AGAP1: variants seen among roughly 807,000 people sequenced by gnomAD.
The protein encoded by AGAP1 is arf-GAP with GTPase, ANK repeat and PH domain-containing protein 1.
AGAP1 carries 29 observed loss-of-function variants against 105.3 expected under a neutral mutation model. That is an observed-to-expected ratio of 0.28 (90% CI 0.21 to 0.38). AGAP1 has a LOEUF of 0.38. AGAP1 is among the 10% of genes least tolerant of loss of function. The pLI is 1.00. For synonymous variants in AGAP1, 509 were observed against 485.9 expected, an observed-to-expected ratio of 1.05 and a Z score of -0.63; for missense variants, 998 against 1,165.1, an observed-to-expected ratio of 0.86 and a Z score of 2.09.
rs1953069369 is a variant in AGAP1, at chr2:235,747,643, T to C, written c.539-2711T>C. 6.6e-6 allele frequency among the ~76,000 whole-genome samples: 1 copy of C among 152,222 alleles called. No homozygotes were observed. Among genetic ancestry groups the C allele is most frequent in the African/African-American group, 2.4e-5 (1 of 41,460 alleles). Reference sequence around the variant, plus strand: ...TCAGGGAGCACCCCAGAAAGCCTGATGGCAGGAAGCTGGCATGCACGTGGG... The same window carrying C: ...TCAGGGAGCACCCCAGAAAGCCTGACGGCAGGAAGCTGGCATGCACGTGGG... On this transcript the variant is annotated intron_variant, in intron 5 of 17. Coordinates refer to ENST00000304032, the MANE Select transcript of AGAP1 (RefSeq NM_001037131.3). This position sits in a 1 kb window ranked among gnomAD's most constrained non-coding sequence, Gnocchi z 5.0.
intron 1 of AGAP1, among the ~76,000 whole-genome samples, chr2:235,603,217 C>T (rs972660607): frequency 4.6e-5 from 7 of 151,774 alleles, no homozygotes; most frequent in Non-Finnish European, 7.4e-5. Context: ...GCTCGGCTCT[C>T]GTCTCTCTCT....
rs1318878294 is a variant in AGAP1, at chr2:235,578,041, G to GC, written c.163+83193dup. 2.0e-5 allele frequency among the ~76,000 whole-genome samples: 3 copies of GC among 152,260 alleles called. No homozygotes were observed. In the East Asian group the frequency reaches 5.8e-4, roughly 30 times the overall value. Reference sequence around the variant, plus strand: ...CCATCAGGACTTCCCCTCGTGAGGAGCTGGGTACCACTGTTATCCTGCCTG... The same window carrying GC: ...CCATCAGGACTTCCCCTCGTGAGGAGCCTGGGTACCACTGTTATCCTGCCTG... On this transcript the variant is annotated intron_variant, in intron 1 of 17. Transcript: ENST00000304032. The surrounding 1 kb of genome is among the most constrained non-coding windows in gnomAD (Gnocchi z 4.9).
At chr2:236,049,416 A>T in intron 16 of AGAP1, 135 bp downstream of exon 16, 1 of 757,418 alleles carries the variant, frequency 1.3e-6, no homozygotes, top group Non-Finnish European at 2.1e-6. Context: ...TTCATCCGGC[A>T]TAGGAATGTC....
chr2:236,021,102 G>A (rs2056867833), intron 13 of AGAP1, among the ~76,000 whole-genome samples: 1 of 149,778 alleles, frequency 6.7e-6, no homozygotes, highest in African/African-American at 2.5e-5. Context: ...GGAGGCAGAG[G>A]TTGCAGTGAG....
At chr2:235,808,654 G>A (rs182177831) in intron 9 of AGAP1, among the ~76,000 whole-genome samples, 37 of 152,298 alleles carry the variant, frequency 2.4e-4, no homozygotes, top group African/African-American at 6.7e-4. Flanking sequence ...CACAGGGCAC[G>A]CCTTTGCCAG....
At chr2:235,506,796 C>T (rs1007625450) in intron 1 of AGAP1, among the ~76,000 whole-genome samples, 8 of 152,206 alleles carry the variant, frequency 5.3e-5, no homozygotes, top group Middle Eastern at 3.4e-3. Context: ...CCTGTGCTGA[C>T]GGTTTGCAAA....
At chr2:235,709,338 A>C in intron 2 of AGAP1, 101 bp downstream of exon 2, 1 of 1,348,450 alleles carries the variant, frequency 7.4e-7, no homozygotes. Context: ...TGGGGCCCAG[A>C]GTGGAAGTGT....
intron 16 of AGAP1, among the ~76,000 whole-genome samples, chr2:236,111,786 T>A: frequency 9.9e-6 from 1 of 101,132 alleles, no homozygotes. Flanking sequence ...TGCGACTCTA[T>A]CTCAAAAAAA....
At chr2:235,849,770 C>T (rs576835513) in intron 9 of AGAP1, among the ~76,000 whole-genome samples, 1 of 152,312 alleles carries the variant, frequency 6.6e-6, no homozygotes, top group African/African-American at 2.4e-5. Context: ...GGACAGATGG[C>T]CTTTCCCTGC....
rs192853262 is a variant in AGAP1, at chr2:235,569,532, C to T, written c.163+74683C>T. 6.6e-6 allele frequency among the ~76,000 whole-genome samples: 1 copy of T among 152,306 alleles called. No homozygotes were observed. Among genetic ancestry groups the T allele is most frequent in the East Asian group, 1.9e-4 (1 of 5,176 alleles). ...GGAAAGCAAACCTGGCCTCTTGTAC[C>T]TCTGAGCCCCGAATTCTGCCCTCTG... On this transcript the variant is annotated intron_variant, in intron 1 of 17. Coordinates refer to ENST00000304032, the MANE Select transcript of AGAP1 (RefSeq NM_001037131.3). This position sits in a 1 kb window ranked among gnomAD's most constrained non-coding sequence, Gnocchi z 5.9.
rs1373937719 is a variant in AGAP1, at chr2:236,051,782, G to C, written c.2114+2501G>C. Among the ~76,000 whole-genome samples the C allele has an allele frequency of 6.6e-6, 1 of 152,194 alleles. No homozygotes were observed. Among genetic ancestry groups the C allele is most frequent in the Non-Finnish European group, 1.5e-5 (1 of 68,030 alleles). On this transcript the variant is annotated intron_variant, in intron 16 of 17. Transcript: ENST00000304032. The surrounding 1 kb of genome is among the most constrained non-coding windows in gnomAD (Gnocchi z 5.9). ...TTCCCAAGAGGACTAAAGGCAGCCA[G>C]CAAGGTCTGTGTCCCTTCCCGCTGG...
chr2:235,916,114 T>G (rs1250450114), intron 11 of AGAP1, among the ~76,000 whole-genome samples: 1 of 152,188 alleles, frequency 6.6e-6, no homozygotes. Flanking sequence ...TACAGGGTTA[T>G]ACAACATCTC....
In AGAP1 at chr2:235,994,903, A is replaced by G. The variant is rs1437676868; in HGVS notation, c.1645+26280A>G. Among the ~76,000 whole-genome samples, 1 of 151,258 alleles carries G rather than the reference A, an allele frequency of 6.6e-6. No homozygotes were observed. The highest frequency in any genetic ancestry group is 2.4e-5 in the African/African-American group (1 of 41,200). Reference sequence around the variant, plus strand: ...AAAATAGTGAAACCCCATCTGTACTAAAAATACAAAAACATTAGCCAAGCG... The same window carrying G: ...AAAATAGTGAAACCCCATCTGTACTGAAAATACAAAAACATTAGCCAAGCG... On this transcript the variant is annotated intron_variant, in intron 13 of 17. Coordinates refer to ENST00000304032, the MANE Select transcript of AGAP1 (RefSeq NM_001037131.3). The surrounding 1 kb of genome is among the most constrained non-coding windows in gnomAD (Gnocchi z 4.4).
In AGAP1 at chr2:235,959,852, G is replaced by T. The variant is rs1044392429; in HGVS notation, c.1484-8610G>T. 6.8e-6 allele frequency among the ~76,000 whole-genome samples: 1 copy of T among 146,576 alleles called. No individual in the cohort carries two copies. On this transcript the variant is annotated intron_variant, in intron 12 of 17. Coordinates refer to ENST00000304032, the MANE Select transcript of AGAP1 (RefSeq NM_001037131.3). The surrounding 1 kb of genome is among the most constrained non-coding windows in gnomAD (Gnocchi z 7.3). ...GCTCCTGCCAAACCTGCTCCCACCC[G>T]CCCCAGCCCAGAGCATGTGGCTTCT...
In AGAP1 at chr2:235,621,430, G is replaced by A. The variant is rs956098625; in HGVS notation, c.164-87749G>A. Among the ~76,000 whole-genome samples, 11 of 152,208 alleles carry A rather than the reference G, an allele frequency of 7.2e-5. No individual in the cohort carries two copies. The highest frequency in any genetic ancestry group is 1.6e-4 in the Non-Finnish European group (11 of 68,046). On this transcript the variant is annotated intron_variant, in intron 1 of 17. Transcript: ENST00000304032. This position sits in a 1 kb window ranked among gnomAD's most constrained non-coding sequence, Gnocchi z 4.1. ...GTTGGGGTTACGTGAAGTAAGCTTA[G>A]ACACGGCCGAATGAGCCAGAGCCTC... is the stretch of plus-strand genomic sequence containing the variant.
At position 235,989,178 on chromosome 2, in the gene AGAP1, T is replaced by C. The variant is rs980217835; in HGVS notation, c.1645+20555T>C. Among the ~76,000 whole-genome samples the C allele has an allele frequency of 6.6e-6, 1 of 152,208 alleles. No homozygotes were observed. The highest frequency in any genetic ancestry group is 2.4e-5 in the African/African-American group (1 of 41,454). ...GGCAATACCAGGTCTTAACAGCTTGTTGTCTGTGGTGTCTTCCTTCTTCCC... is the reference window on the plus strand; with the variant it reads ...GGCAATACCAGGTCTTAACAGCTTGCTGTCTGTGGTGTCTTCCTTCTTCCC... On this transcript the variant is annotated intron_variant, in intron 13 of 17. Transcript: ENST00000304032. The surrounding 1 kb of genome is among the most constrained non-coding windows in gnomAD (Gnocchi z 4.4).
In AGAP1 at chr2:236,035,973, A is replaced by C. The variant is rs961041599; in HGVS notation, c.1646-588A>C. Among the ~76,000 whole-genome samples, 1 of 152,036 alleles carries C rather than the reference A, an allele frequency of 6.6e-6. No individual in the cohort carries two copies. Among genetic ancestry groups the C allele is most frequent in the Non-Finnish European group, 1.5e-5 (1 of 67,996 alleles). On this transcript the variant is annotated intron_variant, in intron 13 of 17. Coordinates refer to ENST00000304032, the MANE Select transcript of AGAP1 (RefSeq NM_001037131.3). This position sits in a 1 kb window ranked among gnomAD's most constrained non-coding sequence, Gnocchi z 4.2. ...CTCTTCCCATTGCAGACATGGCCCC[A>C]GAGTAGCTACCAAGTCTGGGGCCTG...
At chr2:235,758,372 G>C (rs1954112767) in intron 6 of AGAP1, among the ~76,000 whole-genome samples, 1 of 152,142 alleles carries the variant, frequency 6.6e-6, no homozygotes, top group Admixed American at 6.5e-5. Context: ...ATTAGGCCCA[G>C]TTTACAGCTG....
Position 235,628,391 on chromosome 2 carries a change from C to T in AGAP1, c.164-80788C>T, listed in dbSNP as rs544439036. 2.0e-5 allele frequency among the ~76,000 whole-genome samples: 3 copies of T among 152,202 alleles called. No individual in the cohort carries two copies. In the South Asian group the frequency reaches 6.2e-4, roughly 32 times the overall value. ...GAGGAGCACTGGACTTGTCCAGGGG[C>T]ACCTAGCAGGGATCCAGGGACCCAG... is the stretch of plus-strand genomic sequence containing the variant. On this transcript the variant is annotated intron_variant, in intron 1 of 17. Transcript: ENST00000304032.
Sources: gnomAD v4.1 joint callset for allele counts (sites outside exome capture counted in the v4.1 genomes callset) on GRCh38, gnomAD v4.1.1 for gene constraint, Gnocchi (gnomAD v3.1) non-coding constraint, MANE v1.5 for transcripts, NCBI Gene and HGNC (gene_info 2026-07-23, HGNC 2026-07-21) for gene names.